Variants in ELMOD3 observed in about 807,000 individuals in gnomAD.
ELMOD3 encodes ELMO domain containing 3, also known as ELMO domain-containing protein 3.
Under a neutral mutation model 47.4 loss-of-function variants are expected in ELMOD3, and 36 were observed. The observed-to-expected ratio is 0.76, with a 90% confidence interval of 0.58 to 1.00. The LOEUF (loss-of-function observed/expected upper bound fraction) is 1.00. Ranked by LOEUF, ELMOD3 falls within the 50% of genes least tolerant of loss-of-function variation. The pLI, the probability that ELMOD3 is intolerant of heterozygous loss-of-function variation, is 0.00. For missense variants in ELMOD3, 404 were observed against 463.8 expected, an observed-to-expected ratio of 0.87 and a Z score of 1.18; for synonymous variants, 149 against 183.5, an observed-to-expected ratio of 0.81 and a Z score of 1.52.
chr2:85,372,574 A>T (rs1315901584), intron 10 of ELMOD3: 1 of 152,028 alleles, frequency 6.6e-6, no homozygotes, highest in Non-Finnish European at 1.5e-5. Flanking sequence ...CAGTTTTTGG[A>T]TTGTACTATT....
At chr2:85,368,842 G>A (rs1374205351) in intron 7 of ELMOD3, 88 bp downstream of exon 7, 16 of 1,352,664 alleles carry the variant, frequency 1.2e-5, no homozygotes, top group Non-Finnish European at 1.7e-5. Flanking sequence ...CTGTGAGTCT[G>A]GGACTAGGAG....
chr2:85,368,205 C>T lies in ELMOD3; in HGVS notation c.200-481C>T, dbSNP rs369370529. On this transcript the variant is annotated intron_variant, in intron 6 of 13. Coordinates refer to ENST00000409013, the MANE Select transcript of ELMOD3 (RefSeq NM_001135022.2). Reference sequence around the variant, plus strand: ...GATTACAAGCATGAGCCACTGCGCCCGGCCAATCTTACTTTTCAAAAGCTC... The same window carrying T: ...GATTACAAGCATGAGCCACTGCGCCTGGCCAATCTTACTTTTCAAAAGCTC... 33 of 158,486 alleles carry T rather than the reference C, an allele frequency of 2.1e-4. No individual in the cohort carries two copies. The South Asian group carries it at 5.2e-3, about 25-fold the overall frequency. 9.8% of individuals were successfully genotyped at this position (158,486 alleles called of 1,614,324 possible).
intron 11 of ELMOD3, among the ~76,000 whole-genome samples, chr2:85,377,945 C>G (rs968020325): frequency 6.6e-6 from 1 of 152,106 alleles, no homozygotes; most frequent in African/African-American, 2.4e-5. Context: ...GATTGGCTAG[C>G]AACTTAGAAC....
intron 6 of ELMOD3, among the ~76,000 whole-genome samples, chr2:85,364,595 A>G (rs1228283029): frequency 6.9e-6 from 1 of 144,870 alleles, no homozygotes; most frequent in Non-Finnish European, 1.5e-5. Context: ...AAAAAAAAAA[A>G]AGAGACAGGT....
At chr2:85,367,340 A>T (rs967086983) in intron 6 of ELMOD3, among the ~76,000 whole-genome samples, 2 of 152,220 alleles carry the variant, frequency 1.3e-5, no homozygotes, top group African/African-American at 4.8e-5. Context: ...GAGCTGCACC[A>T]GCAGGGGTTG....
chr2:85,389,530 T>C lies in ELMOD3; in HGVS notation c.739-221T>C, dbSNP rs183038598. The C allele has an allele frequency of 2.1e-4, 122 of 590,652 alleles. 1 individual carries two copies. Among genetic ancestry groups the C allele is most frequent in the Non-Finnish European group, 2.8e-4 (94 of 331,154 alleles). 36.6% of individuals were successfully genotyped at this position (590,652 alleles called of 1,614,324 possible). On this transcript the variant is annotated intron_variant, in intron 11 of 13. Coordinates refer to ENST00000409013, the MANE Select transcript of ELMOD3 (RefSeq NM_001135022.2). ...CTGGAGCAAATAACCTCAGTTGGTA[T>C]CCTGGTTCCCATGCCTTAGGAAAGT...
At chr2:85,359,405 C>CTTTT (rs765640567) in intron 4 of ELMOD3, among the ~76,000 whole-genome samples, 16 of 106,996 alleles carry the variant, frequency 1.5e-4, no homozygotes, top group African/African-American at 3.1e-4. Flanking sequence ...TTACATGACT[C>CTTTT]TTTTTTTTTT....
Position 85,357,204 on chromosome 2 carries a change from T to A in ELMOD3, c.6T>A (p.Asn2Lys). The A allele has an allele frequency of 6.2e-7, 1 of 1,607,040 alleles. No individual in the cohort carries two copies. The highest frequency in any genetic ancestry group is 8.5e-7 in the Non-Finnish European group (1 of 1,176,368). ...TGAACAAATGATTTTGAGTCATGAATGAAAAATCTTGCTCTTTCCATAGTA... is the reference window on the plus strand; with the variant it reads ...TGAACAAATGATTTTGAGTCATGAAAGAAAAATCTTGCTCTTTCCATAGTA... M[N>K]EKSCSFHSKE... Residue 2 changes from asparagine (N) to lysine (K), a missense_variant, in exon 4 of 14, where the codon AAT becomes AAA. By Grantham distance (94) the Asn-to-Lys change is moderately conservative. Coordinates refer to ENST00000409013, the MANE Select transcript of ELMOD3 (RefSeq NM_001135022.2).
At chr2:85,379,789 C>A (rs566932754) in intron 11 of ELMOD3, among the ~76,000 whole-genome samples, 9 of 152,172 alleles carry the variant, frequency 5.9e-5, no homozygotes, top group Non-Finnish European at 1.0e-4. Context: ...TTTGATGGAA[C>A]TTTGTTATAT....
intron 7 of ELMOD3, among the ~76,000 whole-genome samples, chr2:85,369,358 T>C (rs1252620791): frequency 6.6e-6 from 1 of 152,208 alleles, no homozygotes; most frequent in Non-Finnish European, 1.5e-5. Context: ...GGGGTTCCTA[T>C]ACAGGGTGTA....
Position 85,375,440 on chromosome 2 carries a change from A to G in ELMOD3, c.608-1904A>G, listed in dbSNP as rs192753038. On this transcript the variant is annotated intron_variant, in intron 10 of 13. Transcript: ENST00000409013. Reference sequence around the variant, plus strand: ...TTCTATTATTACTGTCCCATATTCAAGTTCACTGATTCTGTTGTCTCCGTT... The same window carrying G: ...TTCTATTATTACTGTCCCATATTCAGGTTCACTGATTCTGTTGTCTCCGTT... 1.1e-4 allele frequency among the ~76,000 whole-genome samples: 17 copies of G among 152,246 alleles called. No homozygotes were observed. The East Asian group carries it at 3.1e-3, about 28-fold the overall frequency.
At chr2:85,364,125 T>C (rs988391936) in intron 6 of ELMOD3, among the ~76,000 whole-genome samples, 15 of 151,388 alleles carry the variant, frequency 9.9e-5, no homozygotes, top group African/African-American at 3.2e-4. Context: ...ATATGAACTT[T>C]TAAAAAAATA....
intron 13 of ELMOD3, 94 bp downstream of exon 13, chr2:85,390,359 T>A: frequency 1.2e-6 from 2 of 1,614,084 alleles, no homozygotes; most frequent in South Asian, 2.2e-5. Context: ...TTGGCTGCAG[T>A]TCTTCCCCAT....
At chr2:85,389,900 C>A (rs1686200957) in intron 12 of ELMOD3, 73 bp downstream of exon 12, 1 of 1,412,060 alleles carries the variant, frequency 7.1e-7, no homozygotes. Context: ...GCTTAATTTT[C>A]CCCAGCTCTA....
Position 85,369,667 on chromosome 2 carries a change from G to A in ELMOD3, c.269-72G>A, listed in dbSNP as rs1684646852. ...GTGCTTGGCTTGGAAGTGACAAGTA[G>A]GAGGGCCTCAGTAAATGTTTGTTGA... On this transcript the variant is annotated intron_variant, in intron 7 of 13. Transcript: ENST00000409013. 2.6e-6 allele frequency: 4 copies of A among 1,520,404 alleles called. No homozygotes were observed. In the Admixed American group the frequency reaches 7.2e-5, roughly 27 times the overall value. 94.2% of individuals were successfully genotyped at this position (1,520,404 alleles called of 1,614,324 possible).
chr2:85,380,873 A>G (rs1385773482), intron 11 of ELMOD3, among the ~76,000 whole-genome samples: 3 of 152,208 alleles, frequency 2.0e-5, no homozygotes, highest in Non-Finnish European at 4.4e-5. Context: ...CAAACAACAC[A>G]ACAATTGTCT....
chr2:85,390,666 G>C, intron 13 of ELMOD3, 94 bp from the exon 14 acceptor site: 1 of 1,501,204 alleles, frequency 6.7e-7, no homozygotes, highest in South Asian at 1.3e-5. Flanking sequence ...TAGGGGTTGG[G>C]GGTACTCCCT....
chr2:85,368,901 T>C lies in ELMOD3; in HGVS notation c.268+147T>C, dbSNP rs183153345. 3.8e-4 allele frequency: 304 copies of C among 807,016 alleles called. No homozygotes were observed. The African/African-American group carries it at 4.5e-3, about 12-fold the overall frequency. The allele number at this position is 807,016 out of a possible 1,614,324, so 50.0% of individuals were successfully genotyped here. A position where few individuals can be genotyped will look rare whatever the true frequency, so the allele number is the denominator to read the frequency against. On this transcript the variant is annotated intron_variant, in intron 7 of 13. Coordinates refer to ENST00000409013, the MANE Select transcript of ELMOD3 (RefSeq NM_001135022.2). The stretch of plus-strand genomic sequence containing the variant: ...TTTAACTATATAACATAGATTACAG[T>C]ACCTTTTTCAAATCCTAAGATGATG...
chr2:85,390,030 C>G (rs1208481028), intron 12 of ELMOD3, 108 bp from the exon 13 acceptor site: 1 of 1,242,488 alleles, frequency 8.0e-7, no homozygotes. Flanking sequence ...TGGGGGCATC[C>G]TGGGTTTGGG....
Sources: allele counts gnomAD v4.1 joint callset (sites outside exome capture counted in the v4.1 genomes callset), GRCh38; gene constraint gnomAD v4.1.1; transcripts MANE v1.5; gene names NCBI Gene and HGNC (gene_info 2026-07-23, HGNC 2026-07-21).